Variants in TYK2 observed in about 807,000 individuals in gnomAD.
TYK2 encodes non-receptor tyrosine-protein kinase TYK2.
TYK2 carries 65 observed loss-of-function variants against 130.9 expected under a neutral mutation model. The ratio of observed to expected loss-of-function variants is 0.50; its 90% CI spans 0.41 to 0.61. The LOEUF (loss-of-function observed/expected upper bound fraction) is 0.61, where lower values mean the gene tolerates loss of function less well. Among genes scored for constraint, TYK2 ranks in the 20% least tolerant of loss-of-function variants. The probability of loss-of-function intolerance (pLI) is 0.00; values close to 1 mark genes in which losing one functional copy is unlikely to be tolerated. For missense variants in TYK2, 1,378 were observed against 1,610.7 expected (o/e 0.86, Z 2.47); for synonymous variants, 647 against 658.9 (o/e 0.98, Z 0.28).
chr19:10,373,558 T>C (rs1274274045), intron 3 of TYK2, among the ~76,000 whole-genome samples: 1 of 152,098 alleles, frequency 6.6e-6, no homozygotes, highest in Non-Finnish European at 1.5e-5. Flanking sequence ...CTCAAACTCC[T>C]AACCTCAAGT....
chr19:10,361,488 T>C lies in TYK2; in HGVS notation c.2047+23A>G, dbSNP rs2041397813. ...TCAGGGGTGGCCTGCCAAAGGGGGA[T>C]GGGTATGGCGGGACCCACTCACTTT... is the stretch of plus-strand genomic sequence containing the variant. On this transcript the variant is annotated intron_variant, in intron 14 of 24. Transcript: ENST00000525621. The surrounding 1 kb of genome is among the most constrained non-coding windows in gnomAD (Gnocchi z 4.0). The C allele has an allele frequency of 8.4e-6, 13 of 1,545,958 alleles. No homozygotes were observed. Among genetic ancestry groups the C allele is most frequent in the South Asian group, 1.2e-5 (1 of 84,034 alleles).
intron 5 of TYK2, 124 bp downstream of exon 5, chr19:10,367,931 A>G (rs1488060514): frequency 1.1e-5 from 13 of 1,177,120 alleles, no homozygotes; most frequent in Non-Finnish European, 1.3e-5. Flanking sequence ...AAAAAAAAAA[A>G]AAGATCCCCA....
At position 10,366,733 on chromosome 19, in the gene TYK2, TAAA is replaced by T. The variant is rs750662938; in HGVS notation, c.466-156_466-154del. On this transcript the variant is annotated intron_variant, in intron 5 of 24. Coordinates refer to ENST00000525621, the MANE Select transcript of TYK2 (RefSeq NM_003331.5). ...CTAACACTAATGATAGCTGATGAGCTAAAAAAAAAAAAAAAAAAAGAATATCGC... is the reference window on the plus strand; with the variant it reads ...CTAACACTAATGATAGCTGATGAGCTAAAAAAAAAAAAAAAAGAATATCGC... 0.011 allele frequency among the ~76,000 whole-genome samples: 1,134 copies of T among 101,844 alleles called. 11 individuals are homozygous for T. The highest frequency in any genetic ancestry group is 0.038 in the African/African-American group (1,029 of 27,218). The allele number at this position is 101,844 out of a possible 152,430, so 66.8% of individuals were successfully genotyped here.
intron 3 of TYK2, among the ~76,000 whole-genome samples, chr19:10,376,070 T>C (rs1475600082): frequency 6.7e-6 from 1 of 149,592 alleles, no homozygotes; most frequent in East Asian, 2.0e-4. Context: ...TGGAGTACAA[T>C]GGCACGATCT....
chr19:10,356,633 T>G lies in TYK2; in HGVS notation c.2552A>C (p.Tyr851Ser). ...LATLTSQCLTYEPTQRPSFRT... is the reference protein window; with the variant it reads ...LATLTSQCLTSEPTQRPSFRT... ...GAATGATGGCCTCTGGGTTGGCTCA[T>G]AGGTCAGACACTGGCTGGTGAGTGT... Residue 851 changes from tyrosine (Y) to serine (S), a missense_variant, in exon 18 of 25, where the codon TAT becomes TCT. By Grantham distance (144) the Tyr-to-Ser change is moderately radical. Transcript: ENST00000525621. The G allele has an allele frequency of 3.7e-6, 6 of 1,613,714 alleles. No homozygotes were observed. The highest frequency in any genetic ancestry group is 5.1e-6 in the Non-Finnish European group (6 of 1,179,928).
At chr19:10,372,092 G>A (rs1057484683) in intron 3 of TYK2, among the ~76,000 whole-genome samples, 3 of 151,774 alleles carry the variant, frequency 2.0e-5, no homozygotes, top group African/African-American at 2.4e-5. Flanking sequence ...CTGGGTTCAC[G>A]CCATTCTCCT....
Position 10,352,537 on chromosome 19 carries a change from C to A in TYK2, c.3215G>T (p.Cys1072Phe), listed in dbSNP as rs1488791465. ...DSPVFWYAPECLKEYKFYYAS... is the reference protein window; with the variant it reads ...DSPVFWYAPEFLKEYKFYYAS... ...ATAGTAGAACTTATACTCCTTCAGG[C>A]ACTCTGGGGCATACCTAGGGGGAGG... The change falls in exon 23 of 25, where the codon TGC (cysteine) becomes TTC (phenylalanine). Residue 1072 changes from cysteine to phenylalanine, a missense_variant. Transcript: ENST00000525621. 1 of 1,555,666 alleles carries A rather than the reference C, an allele frequency of 6.4e-7. No homozygotes were observed. Among genetic ancestry groups the A allele is most frequent in the Admixed American group, 1.8e-5 (1 of 54,206 alleles).
intron 3 of TYK2, 84 bp downstream of exon 3, chr19:10,378,130 G>T: frequency 7.1e-7 from 1 of 1,403,492 alleles, no homozygotes; most frequent in East Asian, 2.3e-5. Context: ...GGATGGGTGG[G>T]TGGGTGGATA....
chr19:10,364,783 G>A lies in TYK2; in HGVS notation c.1210-12C>T, dbSNP rs979156525. On this transcript the variant is annotated splice_polypyrimidine_tract_variant and intron_variant, in intron 8 of 24. Transcript: ENST00000525621. This position sits in a 1 kb window ranked among gnomAD's most constrained non-coding sequence, Gnocchi z 4.9. Reference sequence around the variant, plus strand: ...GGCAAGCTCAGCTCCTGCCAGCCAGGGGCGCATCAGGTGGGTGTCCTCCCA... The same window carrying A: ...GGCAAGCTCAGCTCCTGCCAGCCAGAGGCGCATCAGGTGGGTGTCCTCCCA... 6.2e-7 allele frequency: 1 copy of A among 1,614,004 alleles called. No homozygotes were observed.
intron 3 of TYK2, among the ~76,000 whole-genome samples, chr19:10,370,530 G>T (rs968242281): frequency 7.0e-6 from 1 of 143,528 alleles, no homozygotes; most frequent in East Asian, 2.1e-4. Flanking sequence ...AAAAAAAATG[G>T]TATCTGGCTG....
Position 10,364,573 on chromosome 19 carries a change from C to A in TYK2, c.1367+41G>T, listed in dbSNP as rs540520568. ...CCTAGGGCTCACAGTCTAGTTGGCACCCTTGGCGGTGGCCCCCAGCGCCCC... is the reference window on the plus strand; with the variant it reads ...CCTAGGGCTCACAGTCTAGTTGGCAACCTTGGCGGTGGCCCCCAGCGCCCC... On this transcript the variant is annotated intron_variant, in intron 9 of 24. Transcript: ENST00000525621. The surrounding 1 kb of genome is among the most constrained non-coding windows in gnomAD (Gnocchi z 4.9). 1.8e-5 allele frequency: 29 copies of A among 1,611,504 alleles called. No homozygotes were observed. Among genetic ancestry groups the A allele is most frequent in the Admixed American group, 1.2e-4 (7 of 60,008 alleles).
chr19:10,361,737 G>A lies in TYK2; in HGVS notation c.1959+33C>T. ...ACCTCCTCCGGCCACCTCCTCCACA[G>A]ACACACCCCCAGGCCTGGCCCTGCC... On this transcript the variant is annotated intron_variant, in intron 13 of 24. Transcript: ENST00000525621. The surrounding 1 kb of genome is among the most constrained non-coding windows in gnomAD (Gnocchi z 4.0). 6.3e-7 allele frequency: 1 copy of A among 1,589,208 alleles called. No individual in the cohort carries two copies.
At position 10,369,271 on chromosome 19, in the gene TYK2, C is replaced by T. The variant is rs187035810; in HGVS notation, c.194-853G>A. On this transcript the variant is annotated intron_variant, in intron 3 of 24. Coordinates refer to ENST00000525621, the MANE Select transcript of TYK2 (RefSeq NM_003331.5). Reference sequence around the variant, plus strand: ...TCCAGTCACCTCCTGGCTGTCTCCCCCTGGACATCACAGGCCCCCCCTTAG... The same window carrying T: ...TCCAGTCACCTCCTGGCTGTCTCCCTCTGGACATCACAGGCCCCCCCTTAG... 3.9e-5 allele frequency among the ~76,000 whole-genome samples: 6 copies of T among 152,214 alleles called. No individual in the cohort carries two copies. In the East Asian group the frequency reaches 1.2e-3, roughly 29 times the overall value.
At chr19:10,376,259 C>T (rs921384578) in intron 3 of TYK2, among the ~76,000 whole-genome samples, 3 of 110,648 alleles carry the variant, frequency 2.7e-5, no homozygotes, top group Non-Finnish European at 3.8e-5. Flanking sequence ...GTGATCTGCC[C>T]GCCTCAGCCT....
At chr19:10,358,274 T>TG (rs2041208895) in intron 15 of TYK2, 136 bp from the exon 16 acceptor site, 3 of 846,326 alleles carry the variant, frequency 3.5e-6, no homozygotes, top group Non-Finnish European at 3.5e-6. Context: ...TTTTGTTTTT[T>TG]GGGGGGTTAT....
At chr19:10,352,576 CA>C in intron 22 of TYK2, 25 bp from the exon 23 acceptor site, 1 of 1,186,642 alleles carries the variant, frequency 8.4e-7, no homozygotes, top group Admixed American at 2.1e-5. Flanking sequence ...GCACTCAGGC[CA>C]CGGGGGGCTG....
chr19:10,368,417 A>G lies in TYK2; in HGVS notation c.195T>C (p.Gly65=). 1.2e-6 allele frequency: 2 copies of G among 1,614,088 alleles called. No individual in the cohort carries two copies. The highest frequency in any genetic ancestry group is 1.7e-6 in the Non-Finnish European group (2 of 1,180,008). ...EVCIHIAHKV[G]ITPPCFNLFA... ...AGAGATTGAAGCAAGGAGGAGTGAT[A>G]CCTGGATCAGGTGAGAAACGAGGTC... Residue 65 remains glycine, a splice_region_variant and synonymous_variant, in exon 4 of 25, where the codon GGT becomes GGC. Transcript: ENST00000525621.
chr19:10,363,965 G>A (rs967576195), intron 9 of TYK2, among the ~76,000 whole-genome samples: 4 of 152,108 alleles, frequency 2.6e-5, no homozygotes, highest in Admixed American at 2.0e-4. Context: ...CACAAATCAC[G>A]ACTTGGCAGC....
intron 3 of TYK2, among the ~76,000 whole-genome samples, chr19:10,375,167 C>T (rs865988118): frequency 5.0e-5 from 7 of 140,142 alleles, no homozygotes; most frequent in Middle Eastern, 7.6e-3. Flanking sequence ...ACTGTCTCTA[C>T]GAAAGAAAAA....
Sources: gnomAD v4.1 joint callset for allele counts (sites outside exome capture counted in the v4.1 genomes callset) on GRCh38, gnomAD v4.1.1 for gene constraint, Gnocchi (gnomAD v3.1) non-coding constraint, MANE v1.5 for transcripts, NCBI Gene and HGNC (gene_info 2026-07-23, HGNC 2026-07-21) for gene names.